Variants in PRKAR2A observed in about 807,000 individuals in gnomAD.
PRKAR2A encodes protein kinase cAMP-dependent type II regulatory subunit alpha, also known as cAMP-dependent protein kinase type II-alpha regulatory subunit.
In PRKAR2A, 29 loss-of-function variants were observed where a neutral mutation model predicts 51.9. That is an observed-to-expected ratio of 0.56 (90% CI 0.42 to 0.76). PRKAR2A has a LOEUF of 0.76. PRKAR2A is among the 30% of genes least tolerant of loss of function. The probability of loss-of-function intolerance (pLI) is 0.00; values close to 1 mark genes in which losing one functional copy is unlikely to be tolerated. For synonymous variants in PRKAR2A, 178 were observed against 186.2 expected, an observed-to-expected ratio of 0.96 and a Z score of 0.36; for missense variants, 445 against 512.1, an observed-to-expected ratio of 0.87 and a Z score of 1.26.
chr3:48,810,133 C>G (rs982707315), intron 1 of PRKAR2A, among the ~76,000 whole-genome samples: 11 of 152,002 alleles, frequency 7.2e-5, no homozygotes, highest in African/African-American at 2.2e-4. Context: ...CAGCCTTTGT[C>G]AAAATTTTAA....
intron 1 of PRKAR2A, 28 bp from the exon 2 acceptor site, chr3:48,807,712 CATT>C: frequency 1.3e-6 from 2 of 1,592,092 alleles, no homozygotes; most frequent in Non-Finnish European, 1.7e-6. Context: ...AACATTTAGT[CATT>C]ATTATGTCAC....
chr3:48,767,516 G>A (rs1298843956), intron 6 of PRKAR2A, among the ~76,000 whole-genome samples: 1 of 151,856 alleles, frequency 6.6e-6, no homozygotes, highest in Non-Finnish European at 1.5e-5. Flanking sequence ...TAGGCTGTGT[G>A]TGGTGGTTCA....
At chr3:48,819,309 C>T (rs574022880) in intron 1 of PRKAR2A, among the ~76,000 whole-genome samples, 1 of 152,344 alleles carries the variant, frequency 6.6e-6, no homozygotes, top group South Asian at 2.1e-4. Context: ...AGCCACAACG[C>T]CCACCCTCAA....
intron 8 of PRKAR2A, among the ~76,000 whole-genome samples, chr3:48,763,028 G>A (rs1315594548): frequency 6.6e-6 from 1 of 152,150 alleles, no homozygotes; most frequent in Non-Finnish European, 1.5e-5. Flanking sequence ...CTGTATGGGT[G>A]ATGGAAATAC....
intron 1 of PRKAR2A, among the ~76,000 whole-genome samples, chr3:48,813,521 T>C (rs2082816178): frequency 6.6e-6 from 1 of 151,982 alleles, no homozygotes; most frequent in Non-Finnish European, 1.5e-5. Flanking sequence ...AGTGAAACCC[T>C]GTCTCTACTA....
In PRKAR2A at chr3:48,847,602, C is replaced by G; in HGVS notation, c.-6G>C. The G allele has an allele frequency of 6.8e-7, 1 of 1,475,654 alleles. No individual in the cohort carries two copies. The allele number at this position is 1,475,654 out of a possible 1,614,324, so 91.4% of individuals were successfully genotyped here. ...GGGATCTGGATGTGGCTCATGCCGG[C>G]GGCGGCCGAAGGGATAGACGGGTTG... On this transcript the variant is annotated 5_prime_UTR_variant, in exon 1 of 11. Transcript: ENST00000265563. The surrounding 1 kb of genome is among the most constrained non-coding windows in gnomAD (Gnocchi z 4.4).
At chr3:48,813,039 C>A (rs1013608880) in intron 1 of PRKAR2A, among the ~76,000 whole-genome samples, 7 of 151,990 alleles carry the variant, frequency 4.6e-5, no homozygotes, top group African/African-American at 1.7e-4. Context: ...GGAGGTACCT[C>A]TTCTAGTTTC....
chr3:48,830,997 C>G (rs888067778), intron 1 of PRKAR2A, among the ~76,000 whole-genome samples: 1 of 152,196 alleles, frequency 6.6e-6, no homozygotes, highest in Non-Finnish European at 1.5e-5. Context: ...GATGAAGCTT[C>G]ACTTGCTTGC....
intron 6 of PRKAR2A, among the ~76,000 whole-genome samples, chr3:48,765,724 C>CAAAAAAAAAAAAAAAAAAA (rs756566818): frequency 2.2e-5 from 1 of 45,248 alleles, no homozygotes; most frequent in Non-Finnish European, 3.7e-5. Flanking sequence ...ACCCTCATTT[C>CAAAAAAAAAAAAAAAAAAA]AAAAAAAAAA....
In PRKAR2A at chr3:48,847,531, C is replaced by G. The variant is rs1316095194; in HGVS notation, c.66G>C (p.Leu22=). 2 of 1,570,006 alleles carry G rather than the reference C, an allele frequency of 1.3e-6. No individual in the cohort carries two copies. ...ELLQGYTVEV[L]RQQPPDLVEF... is the part of the protein sequence containing the mutation. The stretch of plus-strand genomic sequence containing the variant: ...CGACGAGGTCAGGCGGCTGCTGTCG[C>G]AGCACCTCCACCGTGTAGCCCTGCA... Residue 22 remains leucine, a synonymous_variant, in exon 1 of 11, where the codon CTG becomes CTC. Transcript: ENST00000265563. The surrounding 1 kb of genome is among the most constrained non-coding windows in gnomAD (Gnocchi z 4.4).
rs541293471 is a variant in PRKAR2A at position 48,788,375 on chromosome 3, A to G, written c.435+2169T>C. Reference sequence around the variant, plus strand: ...GACGGGGTTTCACCATGTTGGCCAGACTGGTCTTGAATTTCTGACCTCAAA... The same window carrying G: ...GACGGGGTTTCACCATGTTGGCCAGGCTGGTCTTGAATTTCTGACCTCAAA... On this transcript the variant is annotated intron_variant, in intron 4 of 10. Coordinates refer to ENST00000265563, the MANE Select transcript of PRKAR2A (RefSeq NM_004157.4). Among the ~76,000 whole-genome samples, 298 of 152,120 alleles carry G rather than the reference A, an allele frequency of 2.0e-3. 2 individuals carry two copies. Among genetic ancestry groups the G allele is most frequent in the African/African-American group, 6.8e-3 (282 of 41,486 alleles).
intron 4 of PRKAR2A, among the ~76,000 whole-genome samples, chr3:48,784,909 CATG>C (rs886926892): frequency 1.5e-4 from 23 of 152,198 alleles, no homozygotes; most frequent in African/African-American, 5.1e-4. Flanking sequence ...ATATGTGATT[CATG>C]ATGTTAGGTG....
downstream of PRKAR2A, among the ~76,000 whole-genome samples, chr3:48,745,536 T>G (rs1366649377): frequency 1.4e-5 from 2 of 145,566 alleles, no homozygotes; most frequent in Non-Finnish European, 3.0e-5. Context: ...GGTTTTTTTT[T>G]TTTTTTTTTT....
At chr3:48,825,999 G>C (rs528918870) in intron 1 of PRKAR2A, among the ~76,000 whole-genome samples, 1 of 152,300 alleles carries the variant, frequency 6.6e-6, no homozygotes, top group African/African-American at 2.4e-5. Flanking sequence ...GATTCCAGCA[G>C]GGCATGGTGA....
chr3:48,767,109 G>A (rs980855878), intron 6 of PRKAR2A, among the ~76,000 whole-genome samples: 17 of 152,220 alleles, frequency 1.1e-4, no homozygotes, highest in Non-Finnish European at 2.2e-4. Context: ...TGGGCAAGCA[G>A]TTATTTGTAT....
At chr3:48,786,328 T>C (rs377496271) in intron 4 of PRKAR2A, among the ~76,000 whole-genome samples, 90 of 150,814 alleles carry the variant, frequency 6.0e-4, no homozygotes, top group African/African-American at 2.0e-3. Flanking sequence ...TTTCACCATG[T>C]TGCCCAGGCT....
chr3:48,756,795 TCA>T (rs570449779), intron 8 of PRKAR2A, among the ~76,000 whole-genome samples: 82 of 152,374 alleles, frequency 5.4e-4, no homozygotes, highest in African/African-American at 1.9e-3. Context: ...TCATGCACTC[TCA>T]CTCTGTGTGG....
intron 1 of PRKAR2A, among the ~76,000 whole-genome samples, chr3:48,821,985 G>C (rs756298394): frequency 4.6e-5 from 7 of 151,326 alleles, no homozygotes; most frequent in Non-Finnish European, 1.0e-4. Context: ...CCAGCACTTT[G>C]GGAGGCCAAG....
chr3:48,790,471 TA>T (rs1184805598), intron 4 of PRKAR2A, 72 bp downstream of exon 4: 3 of 1,116,794 alleles, frequency 2.7e-6, no homozygotes, highest in Non-Finnish European at 3.8e-6. Flanking sequence ...TGCTAAAAAT[TA>T]AAGTTTAAGT....
Sources: allele counts gnomAD v4.1 joint callset (sites outside exome capture counted in the v4.1 genomes callset), GRCh38; gene constraint gnomAD v4.1.1; non-coding constraint Gnocchi (gnomAD v3.1); transcripts MANE v1.5; gene names NCBI Gene and HGNC (gene_info 2026-07-23, HGNC 2026-07-21).